Variants in SKIC3 observed in about 807,000 individuals in gnomAD.
SKIC3 encodes the protein superkiller complex protein 3.
chr5:95,515,807 A>G, the SKIC3 span, among the ~76,000 whole-genome samples: 1 of 152,120 alleles, frequency 6.6e-6, no homozygotes, highest in Non-Finnish European at 1.5e-5. Flanking sequence ...TTACCTATAG[A>G]TTTATGGAAA....
chr5:95,540,541 T>C, the SKIC3 span: 622 of 956,422 alleles, frequency 6.5e-4, 1 homozygote, highest in Admixed American at 2.3e-3. Flanking sequence ...AAAGAAAATA[T>C]ACAGGTGCAA....
the SKIC3 span, among the ~76,000 whole-genome samples, chr5:95,474,889 T>C: frequency 1.6e-4 from 25 of 152,344 alleles, no homozygotes; most frequent in Non-Finnish European, 2.6e-4. Context: ...CTCAGCTTGA[T>C]GTATTCTTCT....
chr5:95,554,520 T>C, the SKIC3 span, among the ~76,000 whole-genome samples: 3 of 152,212 alleles, frequency 2.0e-5, no homozygotes, highest in African/African-American at 4.8e-5. Flanking sequence ...TTATCTCCTT[T>C]GCTCTCTGAA....
At chr5:95,503,535 A>G in the SKIC3 span, among the ~76,000 whole-genome samples, 1 of 152,256 alleles carries the variant, frequency 6.6e-6, no homozygotes, top group Non-Finnish European at 1.5e-5. Context: ...TTCAAATGCT[A>G]AGTCACATTA....
chr5:95,520,896 G>T, the SKIC3 span: 1 of 1,088,396 alleles, frequency 9.2e-7, no homozygotes, highest in South Asian at 1.3e-5. Context: ...TAAAGTTATT[G>T]GTGTTATTTT....
the SKIC3 span, among the ~76,000 whole-genome samples, chr5:95,477,492 C>G: frequency 6.6e-6 from 1 of 152,146 alleles, no homozygotes; most frequent in African/African-American, 2.4e-5. Flanking sequence ...CATGTAAAAC[C>G]AAAAGAATAA....
the SKIC3 span, chr5:95,524,600 C>A: frequency 6.2e-7 from 1 of 1,612,990 alleles, no homozygotes. Flanking sequence ...AACTAAGCCA[C>A]CAAAGGGTAA....
chr5:95,503,659 T>C, the SKIC3 span, among the ~76,000 whole-genome samples: 2 of 152,100 alleles, frequency 1.3e-5, no homozygotes, highest in Non-Finnish European at 2.9e-5. Flanking sequence ...AGGTAACAGA[T>C]AAAAAAGTGC....
the SKIC3 span, chr5:95,523,522 G>A: frequency 1.2e-5 from 15 of 1,249,138 alleles, no homozygotes; most frequent in Non-Finnish European, 1.4e-5. Context: ...TTCACTTACA[G>A]AGGCAAAAAT....
chr5:95,481,005 G>T, the SKIC3 span, among the ~76,000 whole-genome samples: 1 of 152,050 alleles, frequency 6.6e-6, no homozygotes, highest in African/African-American at 2.4e-5. Context: ...GAAGCAGTTG[G>T]GTTGCTAGAA....
At chr5:95,516,533 C>A in the SKIC3 span, 1 of 1,613,198 alleles carries the variant, frequency 6.2e-7, no homozygotes, top group South Asian at 1.1e-5. Context: ...ACAATTTGTT[C>A]TGACTGGATT....
the SKIC3 span, chr5:95,515,003 T>G: frequency 7.3e-7 from 1 of 1,373,722 alleles, no homozygotes; most frequent in Non-Finnish European, 1.0e-6. Context: ...AAGCATAAAA[T>G]AAGTCAAACC....
the SKIC3 span, chr5:95,522,076 T>C: frequency 6.8e-6 from 11 of 1,613,512 alleles, no homozygotes; most frequent in Non-Finnish European, 9.3e-6. Context: ...GCACATAATC[T>C]TCTTTCTTTT....
the SKIC3 span, among the ~76,000 whole-genome samples, chr5:95,537,442 C>T: frequency 6.6e-6 from 1 of 152,190 alleles, no homozygotes; most frequent in Non-Finnish European, 1.5e-5. Flanking sequence ...AGAGTATAGT[C>T]TTATATGCTA....
chr5:95,522,016 G>T, the SKIC3 span: 10 of 1,610,586 alleles, frequency 6.2e-6, no homozygotes, highest in Admixed American at 1.7e-5. Context: ...TATACTTCAG[G>T]ATCATAAAAG....
the SKIC3 span, among the ~76,000 whole-genome samples, chr5:95,520,208 C>T: frequency 1.3e-5 from 2 of 151,836 alleles, no homozygotes; most frequent in Non-Finnish European, 2.9e-5. Context: ...TCAAAATTTT[C>T]TGATTCCTTT....
chr5:95,467,009 G>GA, the SKIC3 span, among the ~76,000 whole-genome samples: 56 of 152,268 alleles, frequency 3.7e-4, no homozygotes, highest in African/African-American at 1.3e-3. Flanking sequence ...AAAAGGGAAA[G>GA]AAAATGTTGA....
the SKIC3 span, among the ~76,000 whole-genome samples, chr5:95,532,568 C>T: frequency 1.3e-5 from 2 of 152,180 alleles, no homozygotes; most frequent in Non-Finnish European, 1.5e-5. Flanking sequence ...GTTGAGAATA[C>T]TAGCTAAATA....
chr5:95,487,933 G>T, the SKIC3 span, among the ~76,000 whole-genome samples: 2 of 151,830 alleles, frequency 1.3e-5, no homozygotes, highest in African/African-American at 4.8e-5. Context: ...CCAGTACAAA[G>T]AAATTAGAAA....
Sources: allele counts gnomAD v4.1 joint callset (sites outside exome capture counted in the v4.1 genomes callset), GRCh38; gene constraint gnomAD v4.1.1; transcripts MANE v1.5; gene names NCBI Gene and HGNC (gene_info 2026-07-23, HGNC 2026-07-21).